Variants in SGCZ observed in about 807,000 individuals in gnomAD.
SGCZ encodes the protein zeta-sarcoglycan.
Under a neutral mutation model 41.3 loss-of-function variants are expected in SGCZ, and 40 were observed. That is an observed-to-expected ratio of 0.97 (90% CI 0.75 to 1.26). The LOEUF (loss-of-function observed/expected upper bound fraction) is 1.26, where lower values mean the gene tolerates loss of function less well. Among genes scored for constraint, SGCZ ranks in the 50% most tolerant of loss-of-function variants. SGCZ has a pLI of 0.00. For synonymous variants in SGCZ, 206 were observed against 137.5 expected, an observed-to-expected ratio of 1.50 and a Z score of -3.49; for missense variants, 552 against 369.8, an observed-to-expected ratio of 1.49 and a Z score of -4.04.
intron 5 of SGCZ, among the ~76,000 whole-genome samples, chr8:14,116,201 A>T (rs997815285): frequency 2.6e-5 from 4 of 152,002 alleles, no homozygotes; most frequent in African/African-American, 9.7e-5. Flanking sequence ...TTTTACTCTG[A>T]AAAACAAAAT....
intron 1 of SGCZ, among the ~76,000 whole-genome samples, chr8:14,692,358 T>A (rs1393008405): frequency 6.6e-6 from 1 of 152,110 alleles, no homozygotes; most frequent in Non-Finnish European, 1.5e-5. Flanking sequence ...TTATCATAAG[T>A]GATAAGGTGG....
intron 1 of SGCZ, among the ~76,000 whole-genome samples, chr8:14,999,428 A>AAGG (rs1048104337): frequency 5.9e-5 from 9 of 152,202 alleles, no homozygotes; most frequent in African/African-American, 2.2e-4. Context: ...TAGCCAGGCA[A>AAGG]AGGAGGAGGA....
intron 1 of SGCZ, among the ~76,000 whole-genome samples, chr8:14,669,409 A>G (rs1453866587): frequency 1.4e-5 from 2 of 146,340 alleles, no homozygotes; most frequent in Non-Finnish European, 3.0e-5. Flanking sequence ...AAATAAATAA[A>G]TAGGGTTCCA....
chr8:14,734,679 C>A (rs1214593365), intron 1 of SGCZ, among the ~76,000 whole-genome samples: 3 of 152,094 alleles, frequency 2.0e-5, no homozygotes, highest in Non-Finnish European at 2.9e-5. Flanking sequence ...TATATCACCA[C>A]CCTCTCCAAG....
At chr8:14,784,126 C>A (rs1404952713) in intron 1 of SGCZ, among the ~76,000 whole-genome samples, 1 of 150,938 alleles carries the variant, frequency 6.6e-6, no homozygotes, top group Non-Finnish European at 1.5e-5. Context: ...TCATGGTTCA[C>A]AGTACACTTG....
At chr8:14,906,266 T>C (rs1799118687) in intron 1 of SGCZ, among the ~76,000 whole-genome samples, 1 of 152,180 alleles carries the variant, frequency 6.6e-6, no homozygotes, top group South Asian at 2.1e-4. Context: ...AGGATCATAA[T>C]AGCTTTGTAG....
chr8:14,913,420 A>ACTATTCATT (rs1799335233), intron 1 of SGCZ, among the ~76,000 whole-genome samples: 1 of 152,040 alleles, frequency 6.6e-6, no homozygotes, highest in Admixed American at 6.6e-5. Context: ...TTAAAGATTC[A>ACTATTCATT]CTATTCATTT....
intron 2 of SGCZ, among the ~76,000 whole-genome samples, chr8:14,502,811 C>G (rs1358224883): frequency 6.6e-6 from 1 of 151,964 alleles, no homozygotes; most frequent in Non-Finnish European, 1.5e-5. Context: ...CAGATGCTGG[C>G]GAGGATGTGG....
chr8:14,215,152 G>A (rs1805951830), intron 4 of SGCZ, among the ~76,000 whole-genome samples: 1 of 152,066 alleles, frequency 6.6e-6, no homozygotes, highest in Non-Finnish European at 1.5e-5. Flanking sequence ...ATAGTTTAAA[G>A]ACACAAAATA....
intron 1 of SGCZ, among the ~76,000 whole-genome samples, chr8:14,563,363 G>A (rs1484558191): frequency 6.6e-6 from 1 of 152,186 alleles, no homozygotes; most frequent in Admixed American, 6.5e-5. Flanking sequence ...TTTCTGGATA[G>A]ACGGCAAAGG....
At chr8:14,238,093 T>A (rs550547210) in intron 3 of SGCZ, among the ~76,000 whole-genome samples, 1 of 152,366 alleles carries the variant, frequency 6.6e-6, no homozygotes, top group South Asian at 2.1e-4. Flanking sequence ...CTTCTCAAAA[T>A]TGGCTCATCT....
intron 2 of SGCZ, among the ~76,000 whole-genome samples, chr8:14,389,709 G>C (rs961623943): frequency 6.6e-6 from 1 of 151,974 alleles, no homozygotes; most frequent in Admixed American, 6.6e-5. Context: ...TAAGCGGCAA[G>C]AGGAAATGAG....
chr8:14,311,927 G>T (rs1563250565), intron 3 of SGCZ, among the ~76,000 whole-genome samples: 3 of 152,054 alleles, frequency 2.0e-5, no homozygotes, highest in South Asian at 2.1e-4. Flanking sequence ...TACATATTTT[G>T]CACTTTGTTC....
chr8:14,096,292 A>T (rs878986801), intron 7 of SGCZ, among the ~76,000 whole-genome samples: 30 of 152,112 alleles, frequency 2.0e-4, no homozygotes, highest in Non-Finnish European at 3.8e-4. Flanking sequence ...TATGTAGTTT[A>T]TTGAGAGTTT....
chr8:14,197,620 T>C (rs1263834142), intron 4 of SGCZ, among the ~76,000 whole-genome samples: 1 of 152,104 alleles, frequency 6.6e-6, no homozygotes, highest in African/African-American at 2.4e-5. Context: ...ACATTTATTA[T>C]AAAATCTTCT....
chr8:14,428,896 T>C (rs541238894), intron 2 of SGCZ, among the ~76,000 whole-genome samples: 1 of 152,240 alleles, frequency 6.6e-6, no homozygotes, highest in African/African-American at 2.4e-5. Flanking sequence ...GCTCACAACA[T>C]GCTTTCATAG....
chr8:15,201,889 C>G (rs1490149933), intron 1 of SGCZ, among the ~76,000 whole-genome samples: 1 of 152,102 alleles, frequency 6.6e-6, no homozygotes, highest in African/African-American at 2.4e-5. Context: ...TAAAAAATAT[C>G]AAGCCAATTC....
chr8:14,477,765 T>C (rs1424815333), intron 2 of SGCZ, among the ~76,000 whole-genome samples: 3 of 152,158 alleles, frequency 2.0e-5, no homozygotes, highest in Admixed American at 1.3e-4. Context: ...GAAGGAAATG[T>C]AGGAAATGTG....
chr8:14,749,297 T>C (rs1438933443), intron 1 of SGCZ, among the ~76,000 whole-genome samples: 2 of 152,200 alleles, frequency 1.3e-5, no homozygotes, highest in African/African-American at 4.8e-5. Flanking sequence ...CAGAGTTCCC[T>C]GCTCTGTTTC....
Sources: gnomAD v4.1 joint callset for allele counts (sites outside exome capture counted in the v4.1 genomes callset) on GRCh38, gnomAD v4.1.1 for gene constraint, MANE v1.5 for transcripts, NCBI Gene and HGNC (gene_info 2026-07-23, HGNC 2026-07-21) for gene names.